Variants in TGM1 observed in about 807,000 individuals in gnomAD.
The protein encoded by TGM1 is protein-glutamine gamma-glutamyltransferase K.
In TGM1, 63 loss-of-function variants were observed where a neutral mutation model predicts 88.7. The observed-to-expected ratio is 0.71, with a 90% confidence interval of 0.58 to 0.88. TGM1 has a LOEUF of 0.88. Among genes scored for constraint, TGM1 ranks in the 40% least tolerant of loss-of-function variants. TGM1 has a pLI of 0.00. For synonymous variants in TGM1, 415 were observed against 431.1 expected, an observed-to-expected ratio of 0.96 and a Z score of 0.46; for missense variants, 996 against 1,118.0, an observed-to-expected ratio of 0.89 and a Z score of 1.56.
intron 9 of TGM1, 21 bp from the exon 10 acceptor site, chr14:24,256,098 G>A (rs1272151565): frequency 1.3e-6 from 2 of 1,546,142 alleles, no homozygotes; most frequent in African/African-American, 1.4e-5. Flanking sequence ...AGGCGGGACA[G>A]AGGCAAGAGA....
chr14:24,261,887 C>A lies in TGM1; in HGVS notation c.320-4G>T. ...CCGTTCACTACTAGCATGCCCTCTG[C>A]AAGGACACAGCTCCGTGTCAGTGAA... On this transcript the variant is annotated splice_polypyrimidine_tract_variant and splice_region_variant and intron_variant, in intron 2 of 14. Transcript: ENST00000206765. 6.2e-7 allele frequency: 1 copy of A among 1,613,124 alleles called. No homozygotes were observed. The highest frequency in any genetic ancestry group is 8.5e-7 in the Non-Finnish European group (1 of 1,180,018).
chr14:24,254,642 T>C, intron 13 of TGM1, 22 bp downstream of exon 13: 1 of 1,613,552 alleles, frequency 6.2e-7, no homozygotes, highest in South Asian at 1.1e-5. Context: ...CCACCCCTCA[T>C]GCCCCAGCAA....
intron 14 of TGM1, among the ~76,000 whole-genome samples, chr14:24,253,600 T>C (rs1410860335): frequency 1.3e-5 from 2 of 152,192 alleles, no homozygotes; most frequent in South Asian, 2.1e-4. Context: ...CACCTTAGAC[T>C]CCCAAGTAGC....
intron 14 of TGM1, among the ~76,000 whole-genome samples, chr14:24,253,315 C>A (rs370395659): frequency 1.3e-5 from 2 of 152,244 alleles, no homozygotes; most frequent in South Asian, 2.1e-4. Context: ...CTATTGCTAT[C>A]CCTGCTTTAC....
chr14:24,250,168 G>GTT, intron 14 of TGM1, among the ~76,000 whole-genome samples: 1 of 52,206 alleles, frequency 1.9e-5, no homozygotes, highest in South Asian at 6.4e-4. Context: ...GTGTGTGTGT[G>GTT]TGTGTGTGTG....
chr14:24,258,496 C>A, intron 8 of TGM1, 39 bp downstream of exon 8: 1 of 1,610,860 alleles, frequency 6.2e-7, no homozygotes, highest in South Asian at 1.1e-5. Flanking sequence ...GCTCAGGTCA[C>A]CATTCTTCAG....
At position 24,254,159 on chromosome 14, in the gene TGM1, T is replaced by C. The variant is rs755339945; in HGVS notation, c.2218A>G (p.Asn740Asp). Residue 740 changes from asparagine to aspartate, a missense_variant, in exon 14 of 15, where the codon AAC becomes GAC. Asn to Asp is a conservative substitution (Grantham distance 23, BLOSUM62 1). Transcript: ENST00000206765. ...GSGLQRPKIL[N>D]VGDIGGNETV... is the part of the protein sequence containing the mutation. ...GGGAGAGGCCAGACTCACCCAACGT[T>C]GAGGATCTTGGGCCTCTGTAACCCA... The C allele has an allele frequency of 5.6e-6, 9 of 1,611,704 alleles. No homozygotes were observed. In the Admixed American group the frequency reaches 1.2e-4, roughly 21 times the overall value.
chr14:24,249,547 G>A lies in TGM1; in HGVS notation c.2226-6C>T. On this transcript the variant is annotated splice_polypyrimidine_tract_variant and splice_region_variant and intron_variant, in intron 14 of 14. Coordinates refer to ENST00000206765, the MANE Select transcript of TGM1 (RefSeq NM_000359.3). ...TTTCATTGCCTCCAATGTCCCTGTG[G>A]GCAGAGACAAGGTCATGGGCCTGGA... 2 of 1,612,664 alleles carry A rather than the reference G, an allele frequency of 1.2e-6. No homozygotes were observed. The highest frequency in any genetic ancestry group is 2.2e-5 in the South Asian group (2 of 90,922).
chr14:24,249,666 C>T (rs778297458), intron 14 of TGM1, 125 bp from the exon 15 acceptor site: 124 of 914,854 alleles, frequency 1.4e-4, no homozygotes, highest in Non-Finnish European at 1.6e-4. Flanking sequence ...CCAGGCTTAC[C>T]TGAAATTTCC....
In TGM1 at chr14:24,258,927, A is replaced by C. The variant is rs2040781338; in HGVS notation, c.1159+148T>G. On this transcript the variant is annotated intron_variant, in intron 7 of 14. Transcript: ENST00000206765. The stretch of plus-strand genomic sequence containing the variant: ...CCTTAGGCCTCTCTCTGTTGTTAAC[A>C]CTAATTAATGATAATTAAGGCCAGC... The C allele has an allele frequency of 6.2e-6, 6 of 974,728 alleles. No homozygotes were observed. The South Asian group carries it at 8.9e-5, about 14-fold the overall frequency. The allele number at this position is 974,728 out of a possible 1,614,324, so 60.4% of individuals were successfully genotyped here. A position where few individuals can be genotyped will look rare whatever the true frequency, so the allele number is the denominator to read the frequency against.
Position 24,249,486 on chromosome 14 carries a change from G to C in TGM1, c.2281C>G (p.Pro761Ala). 6.2e-7 allele frequency: 1 copy of C among 1,614,116 alleles called. No individual in the cohort carries two copies. The highest frequency in any genetic ancestry group is 1.3e-5 in the African/African-American group (1 of 75,024). Residue 761 changes from proline to alanine, a missense_variant, in exon 15 of 15, where the codon CCA becomes GCA. By Grantham distance (27) the Pro-to-Ala change is conservative. Coordinates refer to ENST00000206765, the MANE Select transcript of TGM1 (RefSeq NM_000359.3). ...CTGGCAATGAGCTGGCGGGGGCCTG[G>C]TCGCACAGGCACAAACGACTGGCGC... The part of the protein sequence containing the change: ...TLRQSFVPVR[P>A]GPRQLIASLD...
chr14:24,253,683 T>A (rs1309809782), intron 14 of TGM1, among the ~76,000 whole-genome samples: 4 of 152,166 alleles, frequency 2.6e-5, no homozygotes, highest in Non-Finnish European at 5.9e-5. Flanking sequence ...GGTTTCATCA[T>A]GTTGCCCAGG....
In TGM1 at chr14:24,259,237, C is replaced by T. The variant is rs759190792; in HGVS notation, c.997G>A (p.Asp333Asn). ...RVISAMVNSL[D>N]DNGVLIGNWS... ...TTCCCAATCAGGACTCCATTGTCATCCAGGGAGTTCACCTGCCCAGGACAG... is the reference window on the plus strand; with the variant it reads ...TTCCCAATCAGGACTCCATTGTCATTCAGGGAGTTCACCTGCCCAGGACAG... Residue 333 changes from aspartate (D) to asparagine (N), a missense_variant, in exon 7 of 15, where the codon GAT becomes AAT. Physicochemically the swap from Asp to Asn is conservative, Grantham distance 23. Coordinates refer to ENST00000206765, the MANE Select transcript of TGM1 (RefSeq NM_000359.3). The surrounding 1 kb of genome is among the most constrained non-coding windows in gnomAD (Gnocchi z 5.7). 2 of 1,612,756 alleles carry T rather than the reference C, an allele frequency of 1.2e-6. No individual in the cohort carries two copies. Among genetic ancestry groups the T allele is most frequent in the Admixed American group, 3.3e-5 (2 of 59,852 alleles).
At position 24,255,314 on chromosome 14, in the gene TGM1, A is replaced by G. The variant is rs1555305843; in HGVS notation, c.1645+50T>C. 3 of 1,614,236 alleles carry G rather than the reference A, an allele frequency of 1.9e-6. No individual in the cohort carries two copies. Among genetic ancestry groups the G allele is most frequent in the South Asian group, 1.1e-5 (1 of 91,090 alleles). Reference sequence around the variant, plus strand: ...CCACGTGGGTGGCCAAGCACTTGGCAGGAACACTTGTTGTGGGGCCCAGAG... The same window carrying G: ...CCACGTGGGTGGCCAAGCACTTGGCGGGAACACTTGTTGTGGGGCCCAGAG... On this transcript the variant is annotated intron_variant, in intron 11 of 14. Transcript: ENST00000206765. The surrounding 1 kb of genome is among the most constrained non-coding windows in gnomAD (Gnocchi z 4.0).
At chr14:24,260,177 C>G (rs1355419979) in intron 4 of TGM1, 119 bp from the exon 5 acceptor site, 1 of 1,022,642 alleles carries the variant, frequency 9.8e-7, no homozygotes, top group African/African-American at 1.6e-5. Context: ...TGCCCCTAGC[C>G]TGACAGGACT....
In TGM1 at chr14:24,260,517, A is replaced by G; in HGVS notation, c.690T>C (p.Ala230=). ...GGTCAAAGGGCAACTGGAACTCCCC[A>G]GCGTCTGATTGTGTGCGGACTGTGA... The part of the protein sequence containing the change: ...FQFTVRTQSD[A]GEFQLPFDPR... Residue 230 remains alanine, a synonymous_variant, in exon 4 of 15, where the codon GCT becomes GCC. Coordinates refer to ENST00000206765, the MANE Select transcript of TGM1 (RefSeq NM_000359.3). The G allele has an allele frequency of 6.2e-7, 1 of 1,614,204 alleles. No homozygotes were observed. Among genetic ancestry groups the G allele is most frequent in the Non-Finnish European group, 8.5e-7 (1 of 1,180,030 alleles).
chr14:24,256,479 T>C (rs547495181), intron 9 of TGM1, among the ~76,000 whole-genome samples: 2 of 152,274 alleles, frequency 1.3e-5, no homozygotes, highest in South Asian at 4.1e-4. Flanking sequence ...TCCTTTATCA[T>C]AACCAACCCA....
chr14:24,251,740 C>CA (rs1451687985), intron 14 of TGM1, among the ~76,000 whole-genome samples: 1 of 152,238 alleles, frequency 6.6e-6, no homozygotes, highest in East Asian at 1.9e-4. Flanking sequence ...GGCGTGTGCT[C>CA]AGTGATGCCA....
At chr14:24,258,200 C>T (rs970076352) in intron 9 of TGM1, 85 bp downstream of exon 9, 16 of 1,209,736 alleles carry the variant, frequency 1.3e-5, no homozygotes, top group East Asian at 2.5e-5. Context: ...CTCTCCGGCC[C>T]GGCCCAGCAC....
Sources: allele counts gnomAD v4.1 joint callset (sites outside exome capture counted in the v4.1 genomes callset), GRCh38; gene constraint gnomAD v4.1.1; non-coding constraint Gnocchi (gnomAD v3.1); transcripts MANE v1.5; gene names NCBI Gene and HGNC (gene_info 2026-07-23, HGNC 2026-07-21).